The following PNPLA7 variants were observed in gnomAD, a reference collection of about 807,000 sequenced individuals.
PNPLA7 encodes the protein patatin like domain 7, lysophospholipase.
A neutral mutation model predicts 161.7 loss-of-function variants in PNPLA7; 153 were observed. That is an observed-to-expected ratio of 0.95 (90% confidence interval 0.83 to 1.08). PNPLA7 has a LOEUF of 1.08. PNPLA7 is among the 50% of genes least tolerant of loss of function. PNPLA7 has a pLI of 0.00. For missense variants in PNPLA7, 1,739 were observed against 1,856.6 expected, an observed-to-expected ratio of 0.94 and a Z score of 1.16; for synonymous variants, 809 against 782.1, an observed-to-expected ratio of 1.03 and a Z score of -0.57.
rs762521178 is a variant in PNPLA7, at chr9:137,522,748, G to A, written c.857C>T (p.Thr286Ile). ...FHGVFEKYPE[T>I]LVRVVQIIMV... ...ACTCACCTGCACCACCCTCACCAGAGTTTCCGGATATTTCTCAAAAACTCC... is the reference window on the plus strand; with the variant it reads ...ACTCACCTGCACCACCCTCACCAGAATTTCCGGATATTTCTCAAAAACTCC... Residue 286 changes from threonine (T) to isoleucine (I), a missense_variant, in exon 9 of 35, where the codon ACT becomes ATT. Physicochemically the swap from Thr to Ile is moderately conservative, Grantham distance 89. This residue lies in a region of PNPLA7 where 152 missense variants were observed against 193.5 expected (regional missense o/e 0.79). Coordinates refer to ENST00000406427, the MANE Select transcript of PNPLA7 (RefSeq NM_001098537.3). 2.5e-6 allele frequency: 4 copies of A among 1,613,562 alleles called. No homozygotes were observed. The African/African-American group carries it at 5.3e-5, about 22-fold the overall frequency.
intron 12 of PNPLA7, among the ~76,000 whole-genome samples, chr9:137,511,160 G>T (rs1311010533): frequency 6.6e-6 from 1 of 152,194 alleles, no homozygotes; most frequent in Non-Finnish European, 1.5e-5. Flanking sequence ...AGTGGACCTT[G>T]GTCTGGCGGT....
chr9:137,502,439 G>A (rs936661362), intron 14 of PNPLA7, among the ~76,000 whole-genome samples: 15 of 151,110 alleles, frequency 9.9e-5, no homozygotes, highest in Admixed American at 6.6e-5. Context: ...CCCCAAAAGA[G>A]AAATGACATC....
intron 8 of PNPLA7, among the ~76,000 whole-genome samples, chr9:137,525,048 G>A (rs112308523): frequency 2.2e-4 from 34 of 152,312 alleles, no homozygotes; most frequent in African/African-American, 6.7e-4. Flanking sequence ...GACTCCTGGC[G>A]GCAAGGCCCA....
rs1836201749 is a variant in PNPLA7 at position 137,541,528 on chromosome 9, C to G, written c.667-806G>C. The G allele has an allele frequency of 2.0e-6, 2 of 982,616 alleles. No individual in the cohort carries two copies. Among genetic ancestry groups the G allele is most frequent in the South Asian group, 9.4e-5 (2 of 21,250 alleles). The allele number at this position is 982,616 out of a possible 1,614,324, so 60.9% of individuals were successfully genotyped here. ...CTCCCGGGACCACAGCTGGCAGGAG[C>G]CCTGCAGGTCAGGGTGATGATCACA... On this transcript the variant is annotated intron_variant, in intron 7 of 34. Coordinates refer to ENST00000406427, the MANE Select transcript of PNPLA7 (RefSeq NM_001098537.3). The surrounding 1 kb of genome is among the most constrained non-coding windows in gnomAD (Gnocchi z 4.4).
intron 17 of PNPLA7, 140 bp downstream of exon 17, chr9:137,497,974 C>T: frequency 7.4e-7 from 1 of 1,353,594 alleles, no homozygotes; most frequent in Non-Finnish European, 1.0e-6. Flanking sequence ...TGGGGTGGGG[C>T]TGGGGAAATC....
At chr9:137,513,847 T>C (rs1834359835) in intron 12 of PNPLA7, among the ~76,000 whole-genome samples, 1 of 152,212 alleles carries the variant, frequency 6.6e-6, no homozygotes, top group African/African-American at 2.4e-5. Context: ...TCCAGAATCC[T>C]GCAGAAAGTG....
At chr9:137,529,070 T>C (rs1313944107) in intron 8 of PNPLA7, among the ~76,000 whole-genome samples, 1 of 152,202 alleles carries the variant, frequency 6.6e-6, no homozygotes, top group African/African-American at 2.4e-5. Flanking sequence ...CACTCAGAGC[T>C]TCCTTCAGCC....
At chr9:137,530,556 G>A (rs534786775) in intron 8 of PNPLA7, among the ~76,000 whole-genome samples, 12 of 152,338 alleles carry the variant, frequency 7.9e-5, no homozygotes, top group African/African-American at 2.6e-4. Flanking sequence ...GCTCCACGAT[G>A]ACTATCCACA....
In PNPLA7 at chr9:137,543,888, A is replaced by G; in HGVS notation, c.274-73T>C. 1 of 1,323,136 alleles carries G rather than the reference A, an allele frequency of 7.6e-7. No homozygotes were observed. The highest frequency in any genetic ancestry group is 1.7e-5 in the Admixed American group (1 of 58,496). The allele number at this position is 1,323,136 out of a possible 1,614,324, so 82.0% of individuals were successfully genotyped here. Reference sequence around the variant, plus strand: ...GTCCAAGCTCTTTGCCATGGGGATCAGTCCTCAGGACCTGCCTGTGGGCCT... The same window carrying G: ...GTCCAAGCTCTTTGCCATGGGGATCGGTCCTCAGGACCTGCCTGTGGGCCT... On this transcript the variant is annotated intron_variant, in intron 4 of 34. Coordinates refer to ENST00000406427, the MANE Select transcript of PNPLA7 (RefSeq NM_001098537.3). This position sits in a 1 kb window ranked among gnomAD's most constrained non-coding sequence, Gnocchi z 6.9.
chr9:137,463,342 G>T, intron 29 of PNPLA7, 73 bp downstream of exon 29: 1 of 1,332,060 alleles, frequency 7.5e-7, no homozygotes, highest in Non-Finnish European at 1.0e-6. Flanking sequence ...GGAGGCAGCT[G>T]TGGCAGGGGC....
chr9:137,496,106 G>GTT lies in PNPLA7; in HGVS notation c.2014-962_2014-961dup, dbSNP rs911379420. 2.7e-3 allele frequency among the ~76,000 whole-genome samples: 382 copies of GTT among 140,922 alleles called. 1 individual carries two copies. The highest frequency in any genetic ancestry group is 9.6e-3 in the African/African-American group (368 of 38,464). The allele number at this position is 140,922 out of a possible 152,430, so 92.5% of individuals were successfully genotyped here. ...GGGCACCTAGGCCTCCCCACACACT[G>GTT]TTTTTTTTTTTCAGACGGAGTTTAG... On this transcript the variant is annotated intron_variant, in intron 18 of 34. Coordinates refer to ENST00000406427, the MANE Select transcript of PNPLA7 (RefSeq NM_001098537.3).
Position 137,499,600 on chromosome 9 carries a change from C to T in PNPLA7, c.1757+1091G>A, listed in dbSNP as rs375162232. Among the ~76,000 whole-genome samples, 40 of 152,344 alleles carry T rather than the reference C, an allele frequency of 2.6e-4. No individual in the cohort carries two copies. The East Asian group carries it at 3.9e-3, about 15-fold the overall frequency. The stretch of plus-strand genomic sequence containing the variant: ...CAGCACGCTGCGGTGTCAGGGCACC[C>T]GGCATCGGGACCTGGCTGGAGCCAC... On this transcript the variant is annotated intron_variant, in intron 16 of 34. Transcript: ENST00000406427. The surrounding 1 kb of genome is among the most constrained non-coding windows in gnomAD (Gnocchi z 5.5).
rs113951147 is a variant in PNPLA7 at position 137,476,136 on chromosome 9, G to A, written c.2882+1898C>T. ...CCAGTAGAGATACGAAGAGGCTAGA[G>A]GGCTTTCGGGAGGATGACTCCTGAA... On this transcript the variant is annotated intron_variant, in intron 25 of 34. Coordinates refer to ENST00000406427, the MANE Select transcript of PNPLA7 (RefSeq NM_001098537.3). This position sits in a 1 kb window ranked among gnomAD's most constrained non-coding sequence, Gnocchi z 4.5. Among the ~76,000 whole-genome samples the A allele has an allele frequency of 6.6e-6, 1 of 152,328 alleles. No homozygotes were observed. Among genetic ancestry groups the A allele is most frequent in the Non-Finnish European group, 1.5e-5 (1 of 68,034 alleles).
intron 8 of PNPLA7, among the ~76,000 whole-genome samples, chr9:137,539,775 T>A (rs1267604317): frequency 6.6e-6 from 1 of 152,074 alleles, no homozygotes; most frequent in Admixed American, 6.6e-5. Context: ...TGATACATGA[T>A]TTTTTGTTTT....
intron 12 of PNPLA7, chr9:137,509,417 T>C (rs904557915): frequency 9.7e-6 from 2 of 205,632 alleles, no homozygotes; most frequent in African/African-American, 2.3e-5. Flanking sequence ...TGAGTGAGTT[T>C]AGCTGGCATG....
At chr9:137,519,248 C>T (rs905923007) in intron 11 of PNPLA7, among the ~76,000 whole-genome samples, 1 of 152,276 alleles carries the variant, frequency 6.6e-6, no homozygotes, top group South Asian at 2.1e-4. Flanking sequence ...TGGCTGTTAA[C>T]TCCATCACAC....
chr9:137,483,104 TC>T (rs1190260873), intron 21 of PNPLA7, among the ~76,000 whole-genome samples: 3 of 152,198 alleles, frequency 2.0e-5, no homozygotes, highest in African/African-American at 7.2e-5. Context: ...ACTCCTGACC[TC>T]AAGTGATCCT....
In PNPLA7 at chr9:137,460,012, AC is replaced by A. The variant is rs1266091626; in HGVS notation, c.*380del. On this transcript the variant is annotated 3_prime_UTR_variant, in exon 35 of 35. Transcript: ENST00000406427. ...GGCAGCATCAGGGCTCCCACACCTC[AC>A]AGGGCAGCAGGCAGTTCACAGGACA... 2.3e-4 allele frequency: 51 copies of A among 218,624 alleles called. No individual in the cohort carries two copies. The highest frequency in any genetic ancestry group is 1.9e-5 in the Non-Finnish European group (2 of 104,912). 13.5% of individuals were successfully genotyped at this position (218,624 alleles called of 1,614,324 possible).
intron 9 of PNPLA7, among the ~76,000 whole-genome samples, chr9:137,522,126 G>C (rs879824882): frequency 1.3e-5 from 2 of 152,174 alleles, no homozygotes; most frequent in Non-Finnish European, 2.9e-5. Flanking sequence ...CCAGGCTGGA[G>C]TGCAGTGGCA....
Sources: gnomAD v4.1 joint callset for allele counts (sites outside exome capture counted in the v4.1 genomes callset) on GRCh38, gnomAD v4.1.1 for gene constraint, gnomAD v4.1.1 regional missense constraint, Gnocchi (gnomAD v3.1) non-coding constraint, MANE v1.5 for transcripts, NCBI Gene and HGNC (gene_info 2026-07-23, HGNC 2026-07-21) for gene names.